The following ZNF547 variants were observed in gnomAD, a reference collection of about 807,000 sequenced individuals.
ZNF547 encodes the protein zinc finger protein 547.
Under a neutral mutation model 7.7 loss-of-function variants are expected in ZNF547, and 4 were observed. The observed-to-expected ratio is 0.52, with a 90% CI of 0.26 to 1.20. The LOEUF (loss-of-function observed/expected upper bound fraction) is 1.20. ZNF547 is among the 50% of genes most tolerant of loss of function. The probability of loss-of-function intolerance (pLI) is 0.14; values close to 1 mark genes in which losing one functional copy is unlikely to be tolerated. For synonymous variants in ZNF547, 166 were observed against 166.2 expected (o/e 1.00, Z 0.01); for missense variants, 449 against 485.8 (o/e 0.92, Z 0.71).
chr19:57,373,937 T>C (rs1414703109), intron 3 of ZNF547, among the ~76,000 whole-genome samples: 1 of 152,210 alleles, frequency 6.6e-6, no homozygotes, highest in Non-Finnish European at 1.5e-5. Flanking sequence ...TTGGTGGATC[T>C]ACCATTCTGG....
At chr19:57,368,418 G>C (rs1238823278) in intron 1 of ZNF547, 126 bp from the exon 2 acceptor site, 5 of 793,224 alleles carry the variant, frequency 6.3e-6, no homozygotes, top group Non-Finnish European at 1.1e-5. Context: ...AGTCGGAGGA[G>C]CTGAGTTTAT....
At chr19:57,375,152 C>T (rs2088528347) in intron 3 of ZNF547, among the ~76,000 whole-genome samples, 1 of 151,926 alleles carries the variant, frequency 6.6e-6, no homozygotes. Context: ...GAGTTTGAGA[C>T]CAGCCTGGCC....
At chr19:57,373,287 T>A (rs1936291391) in intron 3 of ZNF547, among the ~76,000 whole-genome samples, 2 of 152,088 alleles carry the variant, frequency 1.3e-5, no homozygotes, top group African/African-American at 4.8e-5. Context: ...ATTTACTCAG[T>A]TTCATGAGAA....
chr19:57,364,671 G>T, intron 1 of ZNF547: 1 of 641,930 alleles, frequency 1.6e-6, no homozygotes, highest in Non-Finnish European at 2.7e-6. Flanking sequence ...AACCCAGGAG[G>T]TGGAGATTGC....
At chr19:57,364,704 G>C in intron 1 of ZNF547, 1 of 769,632 alleles carries the variant, frequency 1.3e-6, no homozygotes, top group Non-Finnish European at 2.1e-6. Context: ...TCGCGCCATT[G>C]CACTCCAGCC....
intron 1 of ZNF547, 124 bp from the exon 2 acceptor site, chr19:57,368,420 T>C: frequency 1.2e-6 from 1 of 813,394 alleles, no homozygotes; most frequent in Non-Finnish European, 2.0e-6. Flanking sequence ...TCGGAGGAGC[T>C]GAGTTTATAC....
chr19:57,373,500 C>G (rs1344863491), intron 3 of ZNF547, among the ~76,000 whole-genome samples: 1 of 150,578 alleles, frequency 6.6e-6, no homozygotes, highest in African/African-American at 2.4e-5. Flanking sequence ...TAACAGTCCT[C>G]CAAACTCTTA....
intron 3 of ZNF547, among the ~76,000 whole-genome samples, chr19:57,376,563 G>A (rs1275824516): frequency 6.6e-6 from 1 of 152,232 alleles, no homozygotes; most frequent in East Asian, 1.9e-4. Flanking sequence ...AGATATAAGT[G>A]ATTAACTTCT....
intron 1 of ZNF547, chr19:57,364,957 G>A: frequency 6.2e-7 from 1 of 1,613,106 alleles, no homozygotes; most frequent in Non-Finnish European, 8.5e-7. Context: ...CCAGTTCATA[G>A]CTCATGCTGC....
intron 1 of ZNF547, among the ~76,000 whole-genome samples, chr19:57,367,505 A>G (rs1387050342): frequency 6.6e-6 from 1 of 151,932 alleles, no homozygotes; most frequent in African/African-American, 2.4e-5. Context: ...GGAAGTCTAA[A>G]GGTCATTGCC....
rs80091345 is a variant in ZNF547 at position 57,378,652 on chromosome 19, G to C, written c.*467G>C. On this transcript the variant is annotated 3_prime_UTR_variant, in exon 4 of 4. Transcript: ENST00000282282. ...AATGACGAACAACACCCAGAAATCTGTGATTTAGCACTGAGAACTAGTATT... is the reference window on the plus strand; with the variant it reads ...AATGACGAACAACACCCAGAAATCTCTGATTTAGCACTGAGAACTAGTATT... 8,685 of 359,294 alleles carry C rather than the reference G, an allele frequency of 0.024. 652 individuals carry two copies. Among genetic ancestry groups the C allele is most frequent in the African/African-American group, 0.17 (7,809 of 46,654 alleles). 22.3% of individuals were successfully genotyped at this position (359,294 alleles called of 1,614,324 possible).
chr19:57,371,989 C>A, intron 3 of ZNF547, 81 bp downstream of exon 3: 1 of 1,483,998 alleles, frequency 6.7e-7, no homozygotes, highest in South Asian at 1.5e-5. Context: ...GCGTTTCCCA[C>A]AGTGAGACCA....
At chr19:57,376,802 T>C (rs983587874) in intron 3 of ZNF547, among the ~76,000 whole-genome samples, 1 of 152,104 alleles carries the variant, frequency 6.6e-6, no homozygotes, top group Non-Finnish European at 1.5e-5. Flanking sequence ...CTGTTAAGAA[T>C]TCCTTCATTA....
intron 3 of ZNF547, among the ~76,000 whole-genome samples, chr19:57,373,235 A>T (rs1410125837): frequency 2.6e-5 from 4 of 152,322 alleles, no homozygotes; most frequent in Admixed American, 1.3e-4. Flanking sequence ...GAGTCCAAGC[A>T]GGGAAAATGC....
At chr19:57,375,221 G>C (rs940574063) in intron 3 of ZNF547, among the ~76,000 whole-genome samples, 1 of 151,384 alleles carries the variant, frequency 6.6e-6, no homozygotes, top group Non-Finnish European at 1.5e-5. Context: ...ATGGTGGCAG[G>C]TGCCTGTAAT....
intron 1 of ZNF547, among the ~76,000 whole-genome samples, chr19:57,365,815 T>C (rs556371815): frequency 1.3e-3 from 187 of 148,396 alleles, no homozygotes; most frequent in African/African-American, 4.3e-3. Flanking sequence ...CCATGAAATA[T>C]TTTTACTTAA....
At chr19:57,364,829 A>G (rs746637274) in intron 1 of ZNF547, 5 of 1,601,748 alleles carry the variant, frequency 3.1e-6, no homozygotes, top group Middle Eastern at 3.3e-4. Flanking sequence ...CATATATTGA[A>G]GACCATGTCT....
At chr19:57,367,426 GAAAAAAAAAA>G (rs750776299) in intron 1 of ZNF547, among the ~76,000 whole-genome samples, 2 of 65,714 alleles carry the variant, frequency 3.0e-5, no homozygotes, top group East Asian at 4.9e-4. Flanking sequence ...GTTTGTTCAA[GAAAAAAAAAA>G]AAAAAAAAAA....
chr19:57,373,299 G>A (rs889942006), intron 3 of ZNF547, among the ~76,000 whole-genome samples: 1 of 152,090 alleles, frequency 6.6e-6, no homozygotes, highest in Non-Finnish European at 1.5e-5. Flanking sequence ...TCATGAGAAC[G>A]GCATGGGGGA....
Sources: allele counts gnomAD v4.1 joint callset (sites outside exome capture counted in the v4.1 genomes callset), GRCh38; gene constraint gnomAD v4.1.1; transcripts MANE v1.5; gene names NCBI Gene and HGNC (gene_info 2026-07-23, HGNC 2026-07-21).